SLC39A11: variants seen among roughly 807,000 people sequenced by gnomAD.
SLC39A11 encodes the protein zinc transporter ZIP11.
SLC39A11 carries 33 observed loss-of-function variants against 36.1 expected under a neutral mutation model. That is an observed-to-expected ratio of 0.91 (90% CI 0.69 to 1.22). The LOEUF (loss-of-function observed/expected upper bound fraction) is 1.22. SLC39A11 is among the 50% of genes most tolerant of loss of function. The probability of loss-of-function intolerance (pLI) is 0.00; values close to 1 mark genes in which losing one functional copy is unlikely to be tolerated. For synonymous variants in SLC39A11, 166 were observed against 170.3 expected (o/e 0.97, Z 0.20); for missense variants, 432 against 430.3 (o/e 1.00, Z -0.03).
intron 6 of SLC39A11, among the ~76,000 whole-genome samples, chr17:72,808,115 G>T (rs2713988): frequency 0.012 from 1,898 of 152,258 alleles, 38 homozygotes; most frequent in African/African-American, 0.039. Flanking sequence ...GAAAACAGGA[G>T]TTTCTCTTAT....
At chr17:72,835,166 T>C (rs2078471769) in intron 6 of SLC39A11, among the ~76,000 whole-genome samples, 1 of 152,170 alleles carries the variant, frequency 6.6e-6, no homozygotes, top group Non-Finnish European at 1.5e-5. Context: ...TAGGAGCCTG[T>C]GCTAATTATA....
At chr17:72,941,678 T>C (rs1318365471) in intron 5 of SLC39A11, among the ~76,000 whole-genome samples, 1 of 151,944 alleles carries the variant, frequency 6.6e-6, no homozygotes, top group Non-Finnish European at 1.5e-5. Flanking sequence ...CTGATAATGT[T>C]CCCATGAGCT....
chr17:72,875,799 G>A (rs1184132025), intron 5 of SLC39A11, among the ~76,000 whole-genome samples: 1 of 152,096 alleles, frequency 6.6e-6, no homozygotes, highest in Non-Finnish European at 1.5e-5. Flanking sequence ...GATTCCAAAG[G>A]CGAGGCTCAG....
chr17:72,729,443 A>T (rs1567995088), intron 7 of SLC39A11, among the ~76,000 whole-genome samples: 327 of 2,284 alleles, frequency 0.14, 37 homozygotes, highest in Non-Finnish European at 0.18. Context: ...ATATATATAT[A>T]TATATATATA....
chr17:72,891,097 G>A (rs891946130), intron 5 of SLC39A11, among the ~76,000 whole-genome samples: 3 of 151,406 alleles, frequency 2.0e-5, no homozygotes, highest in Admixed American at 1.3e-4. Context: ...AGGTTGGGGG[G>A]TGGGGGGTGG....
At chr17:72,735,108 T>C (rs1647686529) in intron 7 of SLC39A11, among the ~76,000 whole-genome samples, 2 of 152,206 alleles carry the variant, frequency 1.3e-5, no homozygotes, top group Admixed American at 6.5e-5. Context: ...ACCATAAGCA[T>C]CATTTTAATG....
chr17:72,671,692 G>C (rs1227395891), intron 7 of SLC39A11, among the ~76,000 whole-genome samples: 1 of 151,664 alleles, frequency 6.6e-6, no homozygotes, highest in Admixed American at 6.6e-5. Context: ...CTGCACTCCA[G>C]CCTGGGCAGC....
intron 3 of SLC39A11, among the ~76,000 whole-genome samples, chr17:73,047,778 G>T (rs1320313886): frequency 2.0e-5 from 3 of 151,334 alleles, no homozygotes; most frequent in African/African-American, 7.3e-5. Context: ...GACCAGCCTG[G>T]CCAACATGGT....
chr17:72,980,074 A>G (rs2088185606), intron 4 of SLC39A11, among the ~76,000 whole-genome samples: 2 of 152,308 alleles, frequency 1.3e-5, no homozygotes, highest in Middle Eastern at 3.4e-3. Flanking sequence ...ATTTGCATCT[A>G]TAACTCCCAC....
intron 5 of SLC39A11, among the ~76,000 whole-genome samples, chr17:72,887,989 G>A (rs758100785): frequency 6.6e-6 from 1 of 152,124 alleles, no homozygotes; most frequent in Non-Finnish European, 1.5e-5. Context: ...TCCTGCCTTG[G>A]AAATTCCATT....
chr17:72,843,382 C>T (rs2078904522), intron 6 of SLC39A11, among the ~76,000 whole-genome samples: 1 of 152,100 alleles, frequency 6.6e-6, no homozygotes, highest in South Asian at 2.1e-4. Flanking sequence ...TATTTGGAAA[C>T]CTAATCCCCA....
Position 73,088,649 on chromosome 17 carries a change from C to A in SLC39A11, c.108+8G>T, listed in dbSNP as rs370589601. On this transcript the variant is annotated splice_region_variant and intron_variant, in intron 2 of 9. Coordinates refer to ENST00000255559, the MANE Select transcript of SLC39A11 (RefSeq NM_139177.4). ...ACCAACATCCAGAACCAAAGCAAGG[C>A]AACTCACCTGTCCACTAGAGAATAC... is the stretch of plus-strand genomic sequence containing the variant. 33 of 1,607,846 alleles carry A rather than the reference C, an allele frequency of 2.1e-5. No homozygotes were observed. The Admixed American group carries it at 5.2e-4, about 25-fold the overall frequency.
intron 4 of SLC39A11, among the ~76,000 whole-genome samples, chr17:73,008,716 T>C (rs780514436): frequency 6.6e-6 from 1 of 152,128 alleles, no homozygotes; most frequent in African/African-American, 2.4e-5. Flanking sequence ...GAACACAGTA[T>C]GGCACGCCCA....
rs530503708 is a variant in SLC39A11 at position 72,777,948 on chromosome 17, G to A, written c.602-41229C>T. On this transcript the variant is annotated intron_variant, in intron 6 of 9. Coordinates refer to ENST00000255559, the MANE Select transcript of SLC39A11 (RefSeq NM_139177.4). ...GAGACAGAGCCTTGCTCTGTCATCC[G>A]GGCTGGAGTGCAGTGGTGCGATGTC... Among the ~76,000 whole-genome samples, 7 of 151,922 alleles carry A rather than the reference G, an allele frequency of 4.6e-5. 1 individual carries two copies. The East Asian group carries it at 5.8e-4, about 13-fold the overall frequency.
intron 7 of SLC39A11, among the ~76,000 whole-genome samples, chr17:72,667,917 G>A (rs749410875): frequency 6.6e-6 from 1 of 152,232 alleles, no homozygotes; most frequent in Non-Finnish European, 1.5e-5. Context: ...CCTGTAAGCA[G>A]CCCAGCTGAA....
chr17:73,005,661 G>C (rs1387579351), intron 4 of SLC39A11, among the ~76,000 whole-genome samples: 2 of 152,154 alleles, frequency 1.3e-5, no homozygotes, highest in East Asian at 3.9e-4. Context: ...ATCACCACCT[G>C]AGTGACCTCA....
At chr17:73,051,504 A>G (rs1230240706) in intron 3 of SLC39A11, among the ~76,000 whole-genome samples, 1 of 151,418 alleles carries the variant, frequency 6.6e-6, no homozygotes, top group Non-Finnish European at 1.5e-5. Flanking sequence ...GACTGAGAAG[A>G]GACACAGTGA....
At chr17:72,657,189 G>A (rs751699111) in intron 7 of SLC39A11, among the ~76,000 whole-genome samples, 29 of 151,864 alleles carry the variant, frequency 1.9e-4, no homozygotes, top group Non-Finnish European at 4.0e-4. Flanking sequence ...GTGAAACTCC[G>A]TCTTTACTAA....
At chr17:73,090,286 T>G (rs758572330) in intron 1 of SLC39A11, among the ~76,000 whole-genome samples, 1 of 152,164 alleles carries the variant, frequency 6.6e-6, no homozygotes. Flanking sequence ...GAGCCCTGGC[T>G]CAGCCCCTGT....
Sources: allele counts gnomAD v4.1 joint callset (sites outside exome capture counted in the v4.1 genomes callset), GRCh38; gene constraint gnomAD v4.1.1; transcripts MANE v1.5; gene names NCBI Gene and HGNC (gene_info 2026-07-23, HGNC 2026-07-21).